CDH4: variants seen among roughly 807,000 people sequenced by gnomAD.
The protein encoded by CDH4 is cadherin-4.
CDH4 carries 33 observed loss-of-function variants against 86.0 expected under a neutral mutation model. The observed-to-expected ratio is 0.38, with a 90% CI of 0.29 to 0.51. CDH4 has a LOEUF of 0.51. CDH4 is among the 20% of genes least tolerant of loss of function. The probability of loss-of-function intolerance (pLI) is 0.86; values close to 1 mark genes in which losing one functional copy is unlikely to be tolerated. For synonymous variants in CDH4, 555 were observed against 549.4 expected (o/e 1.01, Z -0.14); for missense variants, 1,114 against 1,307.4 (o/e 0.85, Z 2.28).
chr20:61,584,014 G>C (rs1406419805), intron 2 of CDH4, among the ~76,000 whole-genome samples: 1 of 152,174 alleles, frequency 6.6e-6, no homozygotes, highest in African/African-American at 2.4e-5. Flanking sequence ...ACAAAAATTA[G>C]CCGGGTGTGC....
At chr20:61,814,197 C>T (rs781191191) in intron 4 of CDH4, among the ~76,000 whole-genome samples, 3 of 152,226 alleles carry the variant, frequency 2.0e-5, no homozygotes, top group Non-Finnish European at 4.4e-5. Context: ...ACTTTGTAGG[C>T]AGTGAGGCCT....
chr20:61,495,447 T>G (rs1346777765), intron 2 of CDH4, among the ~76,000 whole-genome samples: 1 of 151,452 alleles, frequency 6.6e-6, no homozygotes, highest in Non-Finnish European at 1.5e-5. Context: ...GCTTCCTTGG[T>G]GGTAGCAGCT....
intron 2 of CDH4, among the ~76,000 whole-genome samples, chr20:61,495,537 TAAG>T (rs1208526958): frequency 6.6e-6 from 1 of 152,048 alleles, no homozygotes; most frequent in East Asian, 1.9e-4. Context: ...AATGGCCACT[TAAG>T]AAACTGAGAC....
intron 2 of CDH4, among the ~76,000 whole-genome samples, chr20:61,324,366 C>T (rs2084525850): frequency 6.6e-6 from 1 of 152,166 alleles, no homozygotes; most frequent in African/African-American, 2.4e-5. Flanking sequence ...CTCTTTTTCT[C>T]TTTCAGTTCT....
chr20:61,448,318 C>T (rs1568848922), intron 2 of CDH4, among the ~76,000 whole-genome samples: 3 of 152,232 alleles, frequency 2.0e-5, no homozygotes, highest in Non-Finnish European at 2.9e-5. Flanking sequence ...CAAACCTGCA[C>T]TCTTCCAGAC....
chr20:61,850,231 A>G (rs1333631158), intron 5 of CDH4, among the ~76,000 whole-genome samples: 2 of 152,224 alleles, frequency 1.3e-5, no homozygotes, highest in African/African-American at 2.4e-5. Context: ...CAGTTTCCTC[A>G]TCTGTAAAAT....
At chr20:61,682,112 G>A (rs184840881) in intron 2 of CDH4, among the ~76,000 whole-genome samples, 1 of 152,352 alleles carries the variant, frequency 6.6e-6, no homozygotes, top group Admixed American at 6.5e-5. Context: ...TTCATGGGGT[G>A]TGGGAAGGTG....
intron 10 of CDH4, 88 bp downstream of exon 10, chr20:61,923,792 C>T: frequency 6.7e-7 from 1 of 1,488,158 alleles, no homozygotes. Flanking sequence ...AAACCCACAG[C>T]CCAGAATTCC....
intron 2 of CDH4, among the ~76,000 whole-genome samples, chr20:61,671,649 G>A (rs2087388712): frequency 6.6e-6 from 1 of 150,540 alleles, no homozygotes; most frequent in Admixed American, 6.7e-5. Context: ...GGATAGATGG[G>A]TGAATGGATG....
At chr20:61,277,363 G>A (rs1202381622) in intron 2 of CDH4, among the ~76,000 whole-genome samples, 3 of 152,142 alleles carry the variant, frequency 2.0e-5, no homozygotes, top group Non-Finnish European at 4.4e-5. Context: ...GCCTTGTTGT[G>A]ACTTTGTGTG....
At chr20:61,590,496 A>G (rs758519084) in intron 2 of CDH4, among the ~76,000 whole-genome samples, 2 of 152,176 alleles carry the variant, frequency 1.3e-5, no homozygotes, top group East Asian at 3.9e-4. Context: ...CTCTTTGACA[A>G]GAGTCTTTCT....
chr20:61,555,523 C>T (rs375932592), intron 2 of CDH4, among the ~76,000 whole-genome samples: 34 of 152,316 alleles, frequency 2.2e-4, no homozygotes, highest in Middle Eastern at 3.4e-3. Context: ...TTTGCCATGA[C>T]GATCATGCCC....
chr20:61,521,172 C>A (rs780222272), intron 2 of CDH4, among the ~76,000 whole-genome samples: 3 of 152,208 alleles, frequency 2.0e-5, no homozygotes, highest in Non-Finnish European at 4.4e-5. Context: ...ATTTCCAGCA[C>A]GTGTGGAGGG....
intron 2 of CDH4, among the ~76,000 whole-genome samples, chr20:61,304,858 T>TTGTG (rs57444563): frequency 4.0e-5 from 6 of 151,148 alleles, no homozygotes; most frequent in East Asian, 1.9e-4. Context: ...AGCACGTGTA[T>TTGTG]TGTGTGTGTG....
intron 2 of CDH4, among the ~76,000 whole-genome samples, chr20:61,584,708 T>C (rs1179518750): frequency 6.6e-6 from 1 of 151,516 alleles, no homozygotes; most frequent in African/African-American, 2.4e-5. Flanking sequence ...TTAGTGGGGG[T>C]GGGGCATGTG....
At chr20:61,520,740 G>A (rs1050402325) in intron 2 of CDH4, among the ~76,000 whole-genome samples, 1 of 152,166 alleles carries the variant, frequency 6.6e-6, no homozygotes, top group Non-Finnish European at 1.5e-5. Context: ...AGGCTTCCAG[G>A]CCCCGGATCC....
rs145679169 is a variant in CDH4 at position 61,592,413 on chromosome 20, G to A, written c.170-151150G>A. On this transcript the variant is annotated intron_variant, in intron 2 of 15. Transcript: ENST00000614565. ...CGTCATCCATGCAAAAGTAGCCACC[G>A]TGAAAATGGCCAATGGTATGGTTTT... is the stretch of plus-strand genomic sequence containing the variant. 8.7e-3 allele frequency among the ~76,000 whole-genome samples: 1,322 copies of A among 152,260 alleles called. 23 individuals are homozygous for A. The highest frequency in any genetic ancestry group is 0.031 in the African/African-American group (1,277 of 41,554).
intron 2 of CDH4, among the ~76,000 whole-genome samples, chr20:61,546,694 G>A (rs2086089680): frequency 6.6e-6 from 1 of 152,068 alleles, no homozygotes; most frequent in African/African-American, 2.4e-5. Context: ...CTCTGAATGT[G>A]ATGAAGCTGG....
intron 4 of CDH4, among the ~76,000 whole-genome samples, chr20:61,805,590 G>A (rs1433022149): frequency 1.3e-5 from 2 of 152,244 alleles, no homozygotes; most frequent in East Asian, 1.9e-4. Flanking sequence ...CTGCCCGGGG[G>A]TCTCGGACCC....
Sources: gnomAD v4.1 joint callset for allele counts (sites outside exome capture counted in the v4.1 genomes callset) on GRCh38, gnomAD v4.1.1 for gene constraint, MANE v1.5 for transcripts, NCBI Gene and HGNC (gene_info 2026-07-23, HGNC 2026-07-21) for gene names.